MBD2: variants seen among roughly 807,000 people sequenced by gnomAD.
The protein encoded by MBD2 is methyl-CpG binding domain protein 2, also known as methyl-CpG-binding domain protein 2.
MBD2 carries 9 observed loss-of-function variants against 39.3 expected under a neutral mutation model. The observed-to-expected ratio is 0.23, with a 90% CI of 0.14 to 0.40. The LOEUF (loss-of-function observed/expected upper bound fraction) is 0.40, where lower values mean the gene tolerates loss of function less well. Among genes scored for constraint, MBD2 ranks in the 10% least tolerant of loss-of-function variants. MBD2 has a pLI of 1.00. For synonymous variants in MBD2, 233 were observed against 211.1 expected, an observed-to-expected ratio of 1.10 and a Z score of -0.90; for missense variants, 458 against 532.6, an observed-to-expected ratio of 0.86 and a Z score of 1.38.
chr18:54,205,409 T>TA lies in MBD2; in HGVS notation c.543-253dup, dbSNP rs201680698. Among the ~76,000 whole-genome samples, 873 of 151,068 alleles carry TA rather than the reference T, an allele frequency of 5.8e-3. 4 individuals are homozygous for TA. Among genetic ancestry groups the TA allele is most frequent in the Non-Finnish European group, 9.4e-3 (640 of 67,736 alleles). ...CAACATGGTGAAACCCCGTCTCTGCTAAAAAAAATAAAAAAATAAAAAATA... is the reference window on the plus strand; with the variant it reads ...CAACATGGTGAAACCCCGTCTCTGCTAAAAAAAAATAAAAAAATAAAAAATA... On this transcript the variant is annotated intron_variant, in intron 1 of 6. Transcript: ENST00000256429.
At chr18:54,214,976 G>A (rs1426141453) in intron 1 of MBD2, among the ~76,000 whole-genome samples, 1 of 152,024 alleles carries the variant, frequency 6.6e-6, no homozygotes, top group Non-Finnish European at 1.5e-5. Flanking sequence ...TCCTGACCTC[G>A]TGATCCACCC....
intron 3 of MBD2, among the ~76,000 whole-genome samples, chr18:54,181,665 A>AT (rs570279240): frequency 3.1e-3 from 474 of 151,604 alleles, no homozygotes; most frequent in Non-Finnish European, 4.9e-3. Context: ...CACCCAGCTA[A>AT]TTTTTTTTGT....
Position 54,214,307 on chromosome 18 carries a change from C to T in MBD2, c.543-9150G>A, listed in dbSNP as rs112960121. On this transcript the variant is annotated intron_variant, in intron 1 of 6. Transcript: ENST00000256429. ...AACTCCTCGACTGAAGGAATCCTCC[C>T]ACCTCAGCCTCCAGAGTAGCTGGGA... Among the ~76,000 whole-genome samples, 774 of 151,998 alleles carry T rather than the reference C, an allele frequency of 5.1e-3. 10 individuals are homozygous for T. The highest frequency in any genetic ancestry group is 0.016 in the African/African-American group (661 of 41,450).
In MBD2 at chr18:54,215,814, TTTC is replaced by T. The variant is rs778098868; in HGVS notation, c.542+8201_542+8203del. On this transcript the variant is annotated intron_variant, in intron 1 of 6. Coordinates refer to ENST00000256429, the MANE Select transcript of MBD2 (RefSeq NM_003927.5). ...CGGCCTTTTTTTTTTTGTTTGTTTG[TTTC>T]TGAGACAGAGTTTCGCTCTTGTTGC... Among the ~76,000 whole-genome samples the T allele has an allele frequency of 4.7e-4, 71 of 149,578 alleles. 1 individual carries two copies. The highest frequency in any genetic ancestry group is 8.1e-4 in the Admixed American group (12 of 14,898).
At chr18:54,220,679 G>A (rs1034057212) in intron 1 of MBD2, among the ~76,000 whole-genome samples, 2 of 152,188 alleles carry the variant, frequency 1.3e-5, no homozygotes, top group African/African-American at 4.8e-5. Context: ...AGCAGATAGT[G>A]GGTGTTTGGT....
chr18:54,165,962 C>T, intron 4 of MBD2, 114 bp downstream of exon 4: 1 of 677,976 alleles, frequency 1.5e-6, no homozygotes, highest in East Asian at 2.7e-5. Context: ...AGGCATATGA[C>T]CTCCCAAAGC....
In MBD2 at chr18:54,182,885, T is replaced by C. The variant is rs113672204; in HGVS notation, c.840+5989A>G. Among the ~76,000 whole-genome samples, 696 of 152,012 alleles carry C rather than the reference T, an allele frequency of 4.6e-3. 9 individuals are homozygous for C. Among genetic ancestry groups the C allele is most frequent in the African/African-American group, 0.016 (652 of 41,450 alleles). On this transcript the variant is annotated intron_variant, in intron 3 of 6. Transcript: ENST00000256429. Reference sequence around the variant, plus strand: ...AGGTTGAAGCTGCAATGAGTCGTGATTGCACTCCTGCACTCCAGCCTGGGT... The same window carrying C: ...AGGTTGAAGCTGCAATGAGTCGTGACTGCACTCCTGCACTCCAGCCTGGGT...
At chr18:54,164,791 C>A in intron 4 of MBD2, 91 bp from the exon 5 acceptor site, 1 of 988,670 alleles carries the variant, frequency 1.0e-6, no homozygotes, top group Non-Finnish European at 1.5e-6. Flanking sequence ...TTTTTATATT[C>A]ATTTGGGATC....
In MBD2 at chr18:54,180,488, TA is replaced by T. The variant is rs147798746; in HGVS notation, c.840+8385del. The stretch of plus-strand genomic sequence containing the variant: ...ACCCTGACTATTTAACCTATTTACC[TA>T]AAATTGTGATACATCTAGGTTGGGA... On this transcript the variant is annotated intron_variant, in intron 3 of 6. Coordinates refer to ENST00000256429, the MANE Select transcript of MBD2 (RefSeq NM_003927.5). Among the ~76,000 whole-genome samples, 133 of 152,248 alleles carry T rather than the reference TA, an allele frequency of 8.7e-4. 1 individual carries two copies. The East Asian group carries it at 0.024, about 27-fold the overall frequency.
At chr18:54,223,868 A>C (rs1022008484) in intron 1 of MBD2, 150 bp downstream of exon 1, 2 of 608,438 alleles carry the variant, frequency 3.3e-6, no homozygotes, top group South Asian at 4.3e-5. Context: ...GTCAACTCTC[A>C]CCCAAGGGTT....
At chr18:54,192,802 C>T (rs2144315167) in intron 2 of MBD2, among the ~76,000 whole-genome samples, 1 of 141,702 alleles carries the variant, frequency 7.1e-6, no homozygotes, top group Admixed American at 7.2e-5. Flanking sequence ...TTCTTCCATT[C>T]ACTTATGTTT....
chr18:54,165,467 T>C (rs1020274638), intron 4 of MBD2, among the ~76,000 whole-genome samples: 1 of 152,204 alleles, frequency 6.6e-6, no homozygotes, highest in Admixed American at 6.5e-5. Context: ...CAATCCACAA[T>C]ATATCAAGCT....
chr18:54,179,487 G>A (rs114698265), intron 3 of MBD2, among the ~76,000 whole-genome samples: 1,640 of 152,242 alleles, frequency 0.011, 42 homozygotes, highest in African/African-American at 0.037. Context: ...ACTCTAAACA[G>A]TGATAACAAT....
chr18:54,158,159 T>A (rs2086067536), intron 6 of MBD2, among the ~76,000 whole-genome samples: 1 of 152,080 alleles, frequency 6.6e-6, no homozygotes, highest in Non-Finnish European at 1.5e-5. Context: ...AACCCACAGG[T>A]CCTACGTGAC....
intron 3 of MBD2, among the ~76,000 whole-genome samples, chr18:54,172,203 TAG>T (rs2144291182): frequency 6.6e-6 from 1 of 152,314 alleles, no homozygotes; most frequent in Admixed American, 6.5e-5. Flanking sequence ...AAAACCAGCA[TAG>T]AGTTTTATGG....
chr18:54,203,592 AT>A (rs1450359759), intron 2 of MBD2, among the ~76,000 whole-genome samples: 1 of 152,220 alleles, frequency 6.6e-6, no homozygotes, highest in African/African-American at 2.4e-5. Flanking sequence ...ATGAAAACCA[AT>A]GCGAGGTATG....
chr18:54,165,574 C>G (rs554628888), intron 4 of MBD2, among the ~76,000 whole-genome samples: 14 of 152,302 alleles, frequency 9.2e-5, no homozygotes, highest in African/African-American at 3.4e-4. Flanking sequence ...GAGTTTTCCA[C>G]CCCAGATCCC....
intron 3 of MBD2, among the ~76,000 whole-genome samples, chr18:54,177,643 G>C (rs1228534647): frequency 6.6e-6 from 1 of 151,858 alleles, no homozygotes; most frequent in East Asian, 1.9e-4. Flanking sequence ...ACCACGCCCG[G>C]CTAATTTTTT....
chr18:54,213,588 T>G lies in MBD2; in HGVS notation c.543-8431A>C, dbSNP rs141065381. On this transcript the variant is annotated intron_variant, in intron 1 of 6. Coordinates refer to ENST00000256429, the MANE Select transcript of MBD2 (RefSeq NM_003927.5). ...TCTCATCCTTAAGGCATTTGCTTTC[T>G]GAGAAAGGAAAAAAGAAAAATACTG... Among the ~76,000 whole-genome samples the G allele has an allele frequency of 4.8e-3, 726 of 152,292 alleles. 6 individuals are homozygous for G. The highest frequency in any genetic ancestry group is 0.016 in the African/African-American group (661 of 41,544).
Sources: gnomAD v4.1 joint callset for allele counts (sites outside exome capture counted in the v4.1 genomes callset) on GRCh38, gnomAD v4.1.1 for gene constraint, MANE v1.5 for transcripts, NCBI Gene and HGNC (gene_info 2026-07-23, HGNC 2026-07-21) for gene names.